JMJD1C: variants seen among roughly 807,000 people sequenced by gnomAD.
JMJD1C encodes the protein jumonji domain containing 1C.
JMJD1C carries 31 observed loss-of-function variants against 245.3 expected under a neutral mutation model. That is an observed-to-expected ratio of 0.13 (90% CI 0.09 to 0.17). JMJD1C has a LOEUF of 0.17. JMJD1C is among the 10% of genes least tolerant of loss of function. JMJD1C has a pLI of 1.00. For synonymous variants in JMJD1C, 1,057 were observed against 1,017.4 expected (o/e 1.04, Z -0.74); for missense variants, 2,691 against 3,000.2 (o/e 0.90, Z 2.41).
At chr10:63,392,824 C>CAAAAA (rs991038264) in intron 1 of JMJD1C, among the ~76,000 whole-genome samples, 3 of 28,814 alleles carry the variant, frequency 1.0e-4, no homozygotes, top group Admixed American at 4.2e-4. Flanking sequence ...ACTTCGTCTC[C>CAAAAA]AAAAAAAAAA....
intron 1 of JMJD1C, among the ~76,000 whole-genome samples, chr10:63,518,299 T>A (rs1955087893): frequency 6.6e-6 from 1 of 152,236 alleles, no homozygotes; most frequent in Admixed American, 6.5e-5. Flanking sequence ...ATGTGCCCCT[T>A]GCATAAAATA....
chr10:63,465,769 G>C lies in JMJD1C; in HGVS notation c.-107C>G. The C allele has an allele frequency of 7.4e-7, 1 of 1,349,914 alleles. No homozygotes were observed. Among genetic ancestry groups the C allele is most frequent in the Non-Finnish European group, 1.0e-6 (1 of 968,292 alleles). 83.6% of individuals were successfully genotyped at this position (1,349,914 alleles called of 1,614,324 possible). A position where few individuals can be genotyped will look rare whatever the true frequency, so the allele number is the denominator to read the frequency against. On this transcript the variant is annotated 5_prime_UTR_variant, in exon 1 of 26. Coordinates refer to ENST00000399262, the MANE Select transcript of JMJD1C (RefSeq NM_032776.3). ...GAGGAGAGCGGACCGGGACACAGCAGCGGACCCGAAAGAGCGCAGACTCGG... is the reference window on the plus strand; with the variant it reads ...GAGGAGAGCGGACCGGGACACAGCACCGGACCCGAAAGAGCGCAGACTCGG...
At chr10:63,465,360 G>A in intron 1 of JMJD1C, 135 bp downstream of exon 1, 1 of 927,746 alleles carries the variant, frequency 1.1e-6, no homozygotes, top group Admixed American at 2.8e-5. Context: ...GGGCAAACGC[G>A]CCAAGGGTTC....
chr10:63,405,614 C>T lies in JMJD1C; in HGVS notation c.169-25132G>A, dbSNP rs1372610750. On this transcript the variant is annotated intron_variant, in intron 1 of 25. Coordinates refer to ENST00000399262, the MANE Select transcript of JMJD1C (RefSeq NM_032776.3). ...CGGGGATTACAGGCATGAGCCACAG[C>T]GCCCAGCCCCACATGTACATTTAAA... is the stretch of plus-strand genomic sequence containing the variant. 2.6e-5 allele frequency among the ~76,000 whole-genome samples: 4 copies of T among 152,124 alleles called. No homozygotes were observed. The East Asian group carries it at 5.8e-4, about 22-fold the overall frequency.
chr10:63,191,222 C>G, intron 16 of JMJD1C, 114 bp from the exon 17 acceptor site: 2 of 734,616 alleles, frequency 2.7e-6, no homozygotes, highest in Non-Finnish European at 4.6e-6. Context: ...ACCTCTGCCT[C>G]CCAGGTTCAA....
At chr10:63,203,967 G>A in intron 10 of JMJD1C, 2 of 983,600 alleles carry the variant, frequency 2.0e-6, no homozygotes, top group Middle Eastern at 5.2e-4. Flanking sequence ...GAAGTTCCCT[G>A]ACTTATGAAA....
Position 63,390,731 on chromosome 10 carries a change from ATG to A in JMJD1C, c.169-10251_169-10250del, listed in dbSNP as rs1947986416. ...CAGGGATGCAAGGATGGTTCAACAT[ATG>A]TAAATCGACAGTCATGAATCATCTT... On this transcript the variant is annotated intron_variant, in intron 1 of 25. Transcript: ENST00000399262. 3.3e-5 allele frequency among the ~76,000 whole-genome samples: 5 copies of A among 152,326 alleles called. No homozygotes were observed. The South Asian group carries it at 1.0e-3, about 32-fold the overall frequency.
intron 1 of JMJD1C, among the ~76,000 whole-genome samples, chr10:63,474,089 TA>T (rs934471014): frequency 1.3e-5 from 2 of 148,962 alleles, no homozygotes; most frequent in Non-Finnish European, 3.0e-5. Context: ...CTTGGTACAC[TA>T]AAAAAAATAA....
intron 2 of JMJD1C, among the ~76,000 whole-genome samples, chr10:63,333,819 G>T (rs1224082702): frequency 1.3e-5 from 2 of 152,178 alleles, no homozygotes; most frequent in African/African-American, 4.8e-5. Context: ...CCTTGCAAAT[G>T]AAACATAAGG....
At chr10:63,365,017 G>C (rs565427750) in intron 2 of JMJD1C, among the ~76,000 whole-genome samples, 1 of 152,242 alleles carries the variant, frequency 6.6e-6, no homozygotes, top group East Asian at 1.9e-4. Flanking sequence ...TTTATGATTT[G>C]ATCACCGCTT....
intron 1 of JMJD1C, among the ~76,000 whole-genome samples, chr10:63,392,448 G>C (rs1461587973): frequency 3.9e-5 from 6 of 152,056 alleles, no homozygotes; most frequent in African/African-American, 1.5e-4. Flanking sequence ...ATGGAAGAAA[G>C]TATTTGCAAG....
chr10:63,330,700 T>C (rs1424080196), intron 2 of JMJD1C, among the ~76,000 whole-genome samples: 2 of 152,182 alleles, frequency 1.3e-5, no homozygotes, highest in African/African-American at 4.8e-5. Context: ...AAGATACTTC[T>C]ACCAGATGTT....
chr10:63,410,133 C>T (rs1355832929), intron 1 of JMJD1C, among the ~76,000 whole-genome samples: 8 of 152,158 alleles, frequency 5.3e-5, no homozygotes, highest in Admixed American at 2.6e-4. Flanking sequence ...AGAAAACTAA[C>T]GACAAGCAGA....
intron 4 of JMJD1C, among the ~76,000 whole-genome samples, chr10:63,219,018 T>C (rs1489611197): frequency 1.3e-5 from 2 of 152,256 alleles, no homozygotes; most frequent in African/African-American, 4.8e-5. Flanking sequence ...GGGGTATGGA[T>C]AGCACAGGAT....
intron 2 of JMJD1C, among the ~76,000 whole-genome samples, chr10:63,318,676 TAAA>T (rs1271204746): frequency 6.3e-4 from 93 of 148,156 alleles, no homozygotes; most frequent in Non-Finnish European, 2.4e-4. Context: ...AACTGGAATT[TAAA>T]AAAAAAAAGT....
At chr10:63,445,930 C>T (rs1188380369) in intron 1 of JMJD1C, among the ~76,000 whole-genome samples, 1 of 119,612 alleles carries the variant, frequency 8.4e-6, no homozygotes, top group Non-Finnish European at 1.6e-5. Context: ...GGCTGGAGTG[C>T]AGTGGTGTGA....
chr10:63,212,235 G>A (rs1331575468), intron 8 of JMJD1C, among the ~76,000 whole-genome samples: 1 of 152,146 alleles, frequency 6.6e-6, no homozygotes, highest in East Asian at 1.9e-4. Context: ...CTAGAGACCT[G>A]CTGCACAACA....
chr10:63,282,808 C>T (rs1022346772), intron 2 of JMJD1C, among the ~76,000 whole-genome samples: 14 of 152,176 alleles, frequency 9.2e-5, no homozygotes, highest in Middle Eastern at 3.2e-3. Context: ...CCGCCGCCTC[C>T]CGGGTTCAAG....
chr10:63,215,500 A>T, intron 6 of JMJD1C, 45 bp from the exon 7 acceptor site: 2 of 1,610,754 alleles, frequency 1.2e-6, no homozygotes, highest in South Asian at 2.2e-5. Flanking sequence ...CCTGGTTTCT[A>T]CTAGCCTAAG....
Sources: gnomAD v4.1 joint callset for allele counts (sites outside exome capture counted in the v4.1 genomes callset) on GRCh38, gnomAD v4.1.1 for gene constraint, MANE v1.5 for transcripts, NCBI Gene and HGNC (gene_info 2026-07-23, HGNC 2026-07-21) for gene names.